The following ARHGAP26 variants were observed in gnomAD, a reference collection of about 807,000 sequenced individuals.
ARHGAP26 encodes Rho GTPase activating protein 26.
ARHGAP26 carries 38 observed loss-of-function variants against 104.8 expected under a neutral mutation model. The ratio of observed to expected loss-of-function variants is 0.36; its 90% CI spans 0.28 to 0.48. ARHGAP26 has a LOEUF of 0.48. Among genes scored for constraint, ARHGAP26 ranks in the 20% least tolerant of loss-of-function variants. The probability of loss-of-function intolerance (pLI) is 0.99; values close to 1 mark genes in which losing one functional copy is unlikely to be tolerated. For synonymous variants in ARHGAP26, 341 were observed against 340.0 expected (o/e 1.00, Z -0.03); for missense variants, 704 against 947.9 (o/e 0.74, Z 3.38).
intron 1 of ARHGAP26, among the ~76,000 whole-genome samples, chr5:142,791,280 G>A (rs1759755506): frequency 6.6e-6 from 1 of 152,142 alleles, no homozygotes; most frequent in Admixed American, 6.5e-5. Flanking sequence ...GAAATGATGA[G>A]TTAAAAGAAG....
chr5:143,080,417 A>G (rs1789637350), intron 17 of ARHGAP26, among the ~76,000 whole-genome samples: 1 of 152,196 alleles, frequency 6.6e-6, no homozygotes, highest in Non-Finnish European at 1.5e-5. Context: ...GAGTAAGCCC[A>G]AGTATTGAGG....
intron 12 of ARHGAP26, among the ~76,000 whole-genome samples, chr5:143,025,871 C>G (rs1780979782): frequency 6.6e-6 from 1 of 152,178 alleles, no homozygotes; most frequent in Admixed American, 6.5e-5. Context: ...TTATTCCCAT[C>G]CAGGCAGATT....
At chr5:142,854,877 G>A (rs1158657888) in intron 1 of ARHGAP26, among the ~76,000 whole-genome samples, 1 of 152,176 alleles carries the variant, frequency 6.6e-6, no homozygotes, top group African/African-American at 2.4e-5. Context: ...ATTGCAAACT[G>A]TTTCTCTACT....
intron 1 of ARHGAP26, among the ~76,000 whole-genome samples, chr5:142,805,628 G>A (rs1456217626): frequency 6.6e-6 from 1 of 152,078 alleles, no homozygotes; most frequent in African/African-American, 2.4e-5. Flanking sequence ...TTATATGAAG[G>A]CCCAAAAGTG....
At chr5:143,092,254 C>T (rs531745711) in intron 17 of ARHGAP26, among the ~76,000 whole-genome samples, 1 of 150,314 alleles carries the variant, frequency 6.7e-6, no homozygotes, top group Non-Finnish European at 1.5e-5. Flanking sequence ...AGCTCCGCCT[C>T]CCAGGTTCAC....
At chr5:142,969,865 C>T (rs1474446773) in intron 11 of ARHGAP26, among the ~76,000 whole-genome samples, 2 of 152,136 alleles carry the variant, frequency 1.3e-5, no homozygotes, top group African/African-American at 4.8e-5. Context: ...AGTCTCTTTG[C>T]TCTTTTCCTG....
intron 14 of ARHGAP26, among the ~76,000 whole-genome samples, chr5:143,052,085 T>C (rs2150231549): frequency 6.6e-6 from 1 of 152,322 alleles, no homozygotes; most frequent in African/African-American, 2.4e-5. Flanking sequence ...GCAGACATTT[T>C]GGATACTGGG....
At chr5:142,892,924 T>C (rs1244677143) in intron 5 of ARHGAP26, among the ~76,000 whole-genome samples, 1 of 151,906 alleles carries the variant, frequency 6.6e-6, no homozygotes, top group Admixed American at 6.6e-5. Flanking sequence ...TCCTTGTATC[T>C]CACTGTATTT....
At chr5:142,833,614 G>A (rs1768959377) in intron 1 of ARHGAP26, among the ~76,000 whole-genome samples, 1 of 152,212 alleles carries the variant, frequency 6.6e-6, no homozygotes, top group Middle Eastern at 3.4e-3. Context: ...AAGGGCACAA[G>A]CATTTTTAAG....
intron 1 of ARHGAP26, among the ~76,000 whole-genome samples, chr5:142,862,629 T>G (rs982858483): frequency 3.3e-5 from 5 of 152,216 alleles, no homozygotes; most frequent in African/African-American, 1.2e-4. Context: ...TTCTGGGTTC[T>G]GTCTGGGTGC....
chr5:142,865,812 C>G (rs79211537), intron 1 of ARHGAP26, among the ~76,000 whole-genome samples: 6,198 of 152,264 alleles, frequency 0.041, 172 homozygotes, highest in South Asian at 0.075. Flanking sequence ...ACAGGTCCTT[C>G]CATGGTTTGA....
At chr5:142,779,496 A>C (rs575389896) in intron 1 of ARHGAP26, among the ~76,000 whole-genome samples, 1 of 152,150 alleles carries the variant, frequency 6.6e-6, no homozygotes, top group Non-Finnish European at 1.5e-5. Flanking sequence ...ATTCCACACC[A>C]AACTGTTAAC....
intron 12 of ARHGAP26, among the ~76,000 whole-genome samples, chr5:143,020,549 A>C (rs748953614): frequency 1.8e-4 from 27 of 152,058 alleles, no homozygotes; most frequent in Non-Finnish European, 3.7e-4. Flanking sequence ...AGAAGAAGAA[A>C]AAATATAACA....
chr5:142,913,579 A>G (rs1598211571), intron 10 of ARHGAP26, among the ~76,000 whole-genome samples: 1 of 152,184 alleles, frequency 6.6e-6, no homozygotes, highest in East Asian at 1.9e-4. Context: ...TAGTGCTTTC[A>G]TGCTCAGAAA....
intron 17 of ARHGAP26, among the ~76,000 whole-genome samples, chr5:143,072,045 T>C (rs1275258887): frequency 6.6e-6 from 1 of 151,906 alleles, no homozygotes; most frequent in African/African-American, 2.4e-5. Flanking sequence ...TGATCTATTA[T>C]ATACAAGGAA....
intron 12 of ARHGAP26, among the ~76,000 whole-genome samples, chr5:143,036,009 G>A (rs1270361484): frequency 6.6e-6 from 1 of 150,550 alleles, no homozygotes; most frequent in Non-Finnish European, 1.5e-5. Flanking sequence ...ATAACCTATG[G>A]AAATAAAAAA....
chr5:142,947,251 A>T (rs753332069), intron 11 of ARHGAP26: 1 of 152,148 alleles, frequency 6.6e-6, no homozygotes, highest in Non-Finnish European at 1.5e-5. Flanking sequence ...ATCTCAGCCA[A>T]ACTAAGGAAA....
intron 11 of ARHGAP26, among the ~76,000 whole-genome samples, chr5:142,958,811 A>G (rs536274526): frequency 3.3e-5 from 5 of 150,396 alleles, no homozygotes; most frequent in Admixed American, 2.6e-4. Flanking sequence ...GCTCATACCT[A>G]TAATCCCAGA....
At chr5:142,975,094 C>G (rs983082101) in intron 11 of ARHGAP26, among the ~76,000 whole-genome samples, 16 of 152,146 alleles carry the variant, frequency 1.1e-4, no homozygotes, top group Non-Finnish European at 1.2e-4. Flanking sequence ...CTGAAAGATT[C>G]TGTCTTACAC....
Sources: gnomAD v4.1 joint callset for allele counts (sites outside exome capture counted in the v4.1 genomes callset) on GRCh38, gnomAD v4.1.1 for gene constraint, MANE v1.5 for transcripts, NCBI Gene and HGNC (gene_info 2026-07-23, HGNC 2026-07-21) for gene names.